The following TET2 variants were observed in gnomAD, a reference collection of about 807,000 sequenced individuals.
The protein encoded by TET2 is tet methylcytosine dioxygenase 2.
A neutral mutation model predicts 142.9 loss-of-function variants in TET2; 299 were observed. The observed-to-expected ratio is 2.09, with a 90% CI of 1.90 to 2.30. The LOEUF is 2.30. TET2 is among the 30% of genes most tolerant of loss of function. TET2 has a pLI of 0.00. For missense variants in TET2, 2,418 were observed against 2,378.0 expected, an observed-to-expected ratio of 1.02 and a Z score of -0.35; for synonymous variants, 819 against 849.0, an observed-to-expected ratio of 0.96 and a Z score of 0.61.
chr4:105,250,095 A>G (rs1729788843), intron 6 of TET2, among the ~76,000 whole-genome samples: 1 of 152,164 alleles, frequency 6.6e-6, no homozygotes, highest in Non-Finnish European at 1.5e-5. Context: ...TAAGAGTCCA[A>G]CTTCATTCCT....
At chr4:105,204,232 T>TACAC (rs762266771) in intron 2 of TET2, among the ~76,000 whole-genome samples, 21,656 of 106,616 alleles carry the variant, frequency 0.2, 2,006 homozygotes, top group Non-Finnish European at 0.25. Flanking sequence ...AAAAAAAATA[T>TACAC]ATACACACAC....
In TET2 at chr4:105,278,268, G is replaced by A. The variant is rs1480776737; in HGVS notation, c.*1749G>A. 5.2e-6 allele frequency: 1 copy of A among 190,898 alleles called. No individual in the cohort carries two copies. The highest frequency in any genetic ancestry group is 8.0e-5 in the East Asian group (1 of 12,524). 11.8% of individuals were successfully genotyped at this position (190,898 alleles called of 1,614,324 possible). A position where few individuals can be genotyped will look rare whatever the true frequency, so the allele number is the denominator to read the frequency against. On this transcript the variant is annotated 3_prime_UTR_variant, in exon 11 of 11. Coordinates refer to ENST00000380013, the MANE Select transcript of TET2 (RefSeq NM_001127208.3). ...GCCTGCTACAAATATATCATAATGTGAGCTAAGAATTCATTAAATGTTTGA... is the reference window on the plus strand; with the variant it reads ...GCCTGCTACAAATATATCATAATGTAAGCTAAGAATTCATTAAATGTTTGA...
rs1728708772 is a variant in TET2, at chr4:105,234,483, A to T, written c.541A>T (p.Ile181Phe). 4 of 1,613,982 alleles carry T rather than the reference A, an allele frequency of 2.5e-6. No homozygotes were observed. The highest frequency in any genetic ancestry group is 1.3e-5 in the African/African-American group (1 of 74,936). ...CSGPENPELQ[I>F]LNEQEGKSAN... Reference sequence around the variant, plus strand: ...TGGGCCTGAAAATCCAGAGCTTCAGATTCTGAATGAGCAGGAGGGGAAAAG... The same window carrying T: ...TGGGCCTGAAAATCCAGAGCTTCAGTTTCTGAATGAGCAGGAGGGGAAAAG... The change falls in exon 3 of 11, where the codon ATT becomes TTT. Residue 181 changes from isoleucine (I) to phenylalanine (F), a missense_variant. Physicochemically the swap from Ile to Phe is conservative, Grantham distance 21. Coordinates refer to ENST00000380013, the MANE Select transcript of TET2 (RefSeq NM_001127208.3).
intron 3 of TET2, 69 bp downstream of exon 3, chr4:105,237,420 G>C: frequency 6.2e-7 from 1 of 1,613,822 alleles, no homozygotes; most frequent in African/African-American, 1.3e-5. Context: ...TTCAGATATG[G>C]GATTTTCCTT....
At chr4:105,270,692 A>ATATG (rs1730913481) in intron 9 of TET2, among the ~76,000 whole-genome samples, 1 of 124,148 alleles carries the variant, frequency 8.1e-6, no homozygotes, top group Non-Finnish European at 1.9e-5. Flanking sequence ...ATATATATAT[A>ATATG]TATATATGTT....
Position 105,243,666 on chromosome 4 carries a change from CTGGTG to C in TET2, c.3695_3699del (p.Val1232GlyfsTer9). The C allele has an allele frequency of 6.4e-7, 1 of 1,551,570 alleles. No homozygotes were observed. The highest frequency in any genetic ancestry group is 8.7e-7 in the Non-Finnish European group (1 of 1,146,962). ...GGCTGCAGTGATTGTGATTCTCATCCTGGTGTGGGAAGGAATCCCGCTGTCTCTGG... is the reference window on the plus strand; with the variant it reads ...GGCTGCAGTGATTGTGATTCTCATCCTGGGAAGGAATCCCGCTGTCTCTGG... On this transcript the variant is annotated frameshift_variant, in exon 6 of 11. Coordinates refer to ENST00000380013, the MANE Select transcript of TET2 (RefSeq NM_001127208.3). LOFTEE classifies it high-confidence loss of function.
rs2110221295 is a variant in TET2 at position 105,234,418 on chromosome 4, C to T, written c.476C>T (p.Ala159Val). ...GTGAGTTCTGTAGCCCAAGAAAATG[C>T]AGTTAAAGATTTCACCAGTTTTTCA... ...ESVSSVAQENAVKDFTSFSTH... is the reference protein window; with the variant it reads ...ESVSSVAQENVVKDFTSFSTH... The change falls in exon 3 of 11, where the codon GCA (alanine) becomes GTA (valine). Residue 159 changes from alanine (A) to valine (V), a missense_variant. Physicochemically the swap from Ala to Val is moderately conservative, Grantham distance 64. Transcript: ENST00000380013. 1 of 1,613,936 alleles carries T rather than the reference C, an allele frequency of 6.2e-7. No homozygotes were observed. The highest frequency in any genetic ancestry group is 8.5e-7 in the Non-Finnish European group (1 of 1,179,986).
intron 6 of TET2, among the ~76,000 whole-genome samples, chr4:105,259,400 CTG>C (rs1481719077): frequency 6.6e-6 from 1 of 152,024 alleles, no homozygotes. Flanking sequence ...CATTTGTAAA[CTG>C]TAAAATTATG....
At chr4:105,169,684 GTTATCTTCTAGAA>G (rs1219439931) in intron 1 of TET2, among the ~76,000 whole-genome samples, 1 of 152,106 alleles carries the variant, frequency 6.6e-6, no homozygotes, top group Non-Finnish European at 1.5e-5. Flanking sequence ...TTTTTCTGAT[GTTATCTTCTAGAA>G]TTTTTATAGT....
chr4:105,237,467 A>G, intron 3 of TET2, 116 bp downstream of exon 3: 1 of 1,610,660 alleles, frequency 6.2e-7, no homozygotes, highest in African/African-American at 1.3e-5. Flanking sequence ...CAATTTGTAA[A>G]GGCTCATAAA....
At chr4:105,201,703 A>G (rs1726478534) in intron 2 of TET2, among the ~76,000 whole-genome samples, 1 of 137,006 alleles carries the variant, frequency 7.3e-6, no homozygotes, top group Non-Finnish European at 1.6e-5. Context: ...TTAAAATGGT[A>G]TCATTAACAG....
intron 4 of TET2, chr4:105,241,958 A>G: frequency 4.1e-6 from 5 of 1,223,476 alleles, no homozygotes; most frequent in Non-Finnish European, 4.1e-6. Flanking sequence ...TTTTTTCGCT[A>G]TCAATCACAG....
chr4:105,195,914 C>T (rs1294872869), intron 2 of TET2, among the ~76,000 whole-genome samples: 2 of 152,122 alleles, frequency 1.3e-5, no homozygotes, highest in African/African-American at 4.8e-5. Flanking sequence ...TTCTCAAGAT[C>T]TTGACTCCTA....
chr4:105,274,953 T>G (rs2110310540), intron 10 of TET2, 95 bp from the exon 11 acceptor site: 2 of 1,420,896 alleles, frequency 1.4e-6, no homozygotes, highest in South Asian at 1.6e-5. Flanking sequence ...ACTAGTGGAG[T>G]TTCTTACCTA....
At chr4:105,244,877 G>A (rs1729510628) in intron 6 of TET2, among the ~76,000 whole-genome samples, 2 of 152,134 alleles carry the variant, frequency 1.3e-5, no homozygotes, top group African/African-American at 2.4e-5. Flanking sequence ...GGCATGAGCC[G>A]CCGCGCCTGG....
chr4:105,259,446 AAATTGTTT>A (rs1730307208), intron 6 of TET2, among the ~76,000 whole-genome samples, 165 bp from the exon 7 acceptor site: 1 of 152,160 alleles, frequency 6.6e-6, no homozygotes. Flanking sequence ...CATTGCAATA[AAATTGTTT>A]AAAAGTCAAT....
chr4:105,188,762 T>G lies in TET2; in HGVS notation c.-192-1598T>G, dbSNP rs914172417. Among the ~76,000 whole-genome samples, 3 of 152,230 alleles carry G rather than the reference T, an allele frequency of 2.0e-5. No homozygotes were observed. In the East Asian group the frequency reaches 5.8e-4, roughly 29 times the overall value. On this transcript the variant is annotated intron_variant, in intron 1 of 10. Transcript: ENST00000380013. The stretch of plus-strand genomic sequence containing the variant: ...AAGAAACCAGACGTAAAAGGCCAAA[T>G]TTTGTATGGTTTTATATATATAAAG...
intron 2 of TET2, among the ~76,000 whole-genome samples, chr4:105,203,735 G>A (rs1336354617): frequency 2.0e-5 from 3 of 152,132 alleles, no homozygotes; most frequent in South Asian, 4.1e-4. Flanking sequence ...AGACAAATCA[G>A]GGCCGTTATT....
At chr4:105,177,447 T>C (rs953611506) in intron 1 of TET2, 1 of 152,056 alleles carries the variant, frequency 6.6e-6, no homozygotes, top group African/African-American at 2.4e-5. Flanking sequence ...AATGAACAAC[T>C]CAACTTAAAA....
Sources: allele counts gnomAD v4.1 joint callset (sites outside exome capture counted in the v4.1 genomes callset), GRCh38; gene constraint gnomAD v4.1.1; transcripts MANE v1.5; gene names NCBI Gene and HGNC (gene_info 2026-07-23, HGNC 2026-07-21).